The following MYO3B variants were observed in gnomAD, a reference collection of about 807,000 sequenced individuals.
MYO3B encodes the protein myosin-IIIb.
A neutral mutation model predicts 174.6 loss-of-function variants in MYO3B; 156 were observed. The observed-to-expected ratio is 0.89, with a 90% CI of 0.78 to 1.02. The LOEUF (loss-of-function observed/expected upper bound fraction) is 1.02. MYO3B is among the 50% of genes least tolerant of loss of function. MYO3B has a pLI of 0.00. For missense variants in MYO3B, 1,632 were observed against 1,639.4 expected, an observed-to-expected ratio of 1.00 and a Z score of 0.08; for synonymous variants, 563 against 569.1, an observed-to-expected ratio of 0.99 and a Z score of 0.15.
intron 30 of MYO3B, among the ~76,000 whole-genome samples, chr2:170,536,152 G>A (rs1453181668): frequency 6.6e-6 from 1 of 152,190 alleles, no homozygotes; most frequent in Non-Finnish European, 1.5e-5. Flanking sequence ...AAGACTGTAT[G>A]GGCTCACGGT....
chr2:170,272,858 AT>A (rs1230301718), intron 7 of MYO3B, among the ~76,000 whole-genome samples: 2 of 152,148 alleles, frequency 1.3e-5, no homozygotes, highest in Non-Finnish European at 2.9e-5. Context: ...GTACGTCTCA[AT>A]CTTGTACATC....
At chr2:170,468,816 A>G (rs1416653384) in intron 25 of MYO3B, among the ~76,000 whole-genome samples, 8 of 152,214 alleles carry the variant, frequency 5.3e-5, no homozygotes. Context: ...TACAGAGGGC[A>G]AACACATAAC....
chr2:170,266,090 A>T (rs2093381162), intron 7 of MYO3B, among the ~76,000 whole-genome samples: 1 of 152,124 alleles, frequency 6.6e-6, no homozygotes, highest in South Asian at 2.1e-4. Context: ...AATACTCAGG[A>T]TGGGTAATCA....
chr2:170,621,109 G>C (rs761892886), intron 32 of MYO3B, among the ~76,000 whole-genome samples: 2 of 151,946 alleles, frequency 1.3e-5, no homozygotes, highest in Non-Finnish European at 2.9e-5. Flanking sequence ...GGCTGGTCTC[G>C]AACTCCTGAC....
At chr2:170,376,343 CT>C (rs1558938478) in intron 9 of MYO3B, among the ~76,000 whole-genome samples, 1 of 152,152 alleles carries the variant, frequency 6.6e-6, no homozygotes, top group Non-Finnish European at 1.5e-5. Context: ...ATAAAAGTCC[CT>C]CTTTCATTGG....
intron 29 of MYO3B, among the ~76,000 whole-genome samples, chr2:170,517,377 A>T (rs1244220505): frequency 1.3e-5 from 2 of 152,168 alleles, no homozygotes; most frequent in African/African-American, 4.8e-5. Flanking sequence ...AGGTAAAGAT[A>T]TTGCTTCCTC....
intron 22 of MYO3B, among the ~76,000 whole-genome samples, chr2:170,439,245 G>A (rs908851617): frequency 2.6e-5 from 4 of 151,632 alleles, no homozygotes; most frequent in Middle Eastern, 3.4e-3. Flanking sequence ...GCTGGTGGGC[G>A]CCTGTAGTCC....
chr2:170,368,033 T>A (rs2094211560), intron 8 of MYO3B, among the ~76,000 whole-genome samples: 1 of 152,158 alleles, frequency 6.6e-6, no homozygotes, highest in Admixed American at 6.5e-5. Flanking sequence ...GACTAGAAGG[T>A]AAGGGATATG....
chr2:170,255,065 G>A (rs1363405959), intron 7 of MYO3B, among the ~76,000 whole-genome samples: 1 of 152,178 alleles, frequency 6.6e-6, no homozygotes, highest in Non-Finnish European at 1.5e-5. Context: ...TGGCACTACT[G>A]CTCTGCCTGG....
At chr2:170,416,837 T>C (rs1228297692) in intron 22 of MYO3B, among the ~76,000 whole-genome samples, 15 of 85,796 alleles carry the variant, frequency 1.7e-4, no homozygotes, top group Non-Finnish European at 3.3e-4. Flanking sequence ...TTTTTTTTTT[T>C]TTTTGAGACG....
At chr2:170,373,858 CA>C (rs2094267363) in intron 9 of MYO3B, among the ~76,000 whole-genome samples, 1 of 151,010 alleles carries the variant, frequency 6.6e-6, no homozygotes. Flanking sequence ...AGCAAGGTTT[CA>C]GAGTTGGGAG....
At chr2:170,445,837 T>G (rs1424202932) in intron 23 of MYO3B, among the ~76,000 whole-genome samples, 1 of 152,304 alleles carries the variant, frequency 6.6e-6, no homozygotes, top group East Asian at 1.9e-4. Flanking sequence ...GAGGTCTTGC[T>G]ATGTTGTTCA....
rs369813659 is a variant in MYO3B at position 170,629,933 on chromosome 2, T to C, written c.3734-21695T>C. ...TCAGCTATAATATTAATGATCTGAT[T>C]TCCATTCCAAGACGGCCAAATAGGA... On this transcript the variant is annotated intron_variant, in intron 32 of 34. Transcript: ENST00000408978. 6.7e-5 allele frequency among the ~76,000 whole-genome samples: 10 copies of C among 149,950 alleles called. No individual in the cohort carries two copies. In the East Asian group the frequency reaches 2.0e-3, roughly 29 times the overall value.
chr2:170,479,896 T>C (rs945631192), intron 25 of MYO3B, among the ~76,000 whole-genome samples: 91 of 148,634 alleles, frequency 6.1e-4, no homozygotes, highest in Non-Finnish European at 1.1e-3. Context: ...TATTTATAGG[T>C]TTAACATATT....
intron 3 of MYO3B, among the ~76,000 whole-genome samples, chr2:170,211,102 G>T (rs1399747808): frequency 6.6e-6 from 1 of 152,104 alleles, no homozygotes; most frequent in Admixed American, 6.5e-5. Context: ...AATTCCTGGG[G>T]TTCCATGAGA....
At chr2:170,447,816 G>A (rs1683319806) in intron 23 of MYO3B, among the ~76,000 whole-genome samples, 1 of 152,208 alleles carries the variant, frequency 6.6e-6, no homozygotes, top group Admixed American at 6.5e-5. Flanking sequence ...ACTTTGGTAG[G>A]TAGGGGGCAA....
chr2:170,536,426 G>A (rs553432695), intron 30 of MYO3B, among the ~76,000 whole-genome samples: 14 of 152,338 alleles, frequency 9.2e-5, no homozygotes, highest in Non-Finnish European at 1.8e-4. Context: ...GTAATGATTA[G>A]GGTGGGATGC....
intron 16 of MYO3B, among the ~76,000 whole-genome samples, chr2:170,398,729 C>T (rs1029492261): frequency 6.6e-6 from 1 of 152,126 alleles, no homozygotes; most frequent in Non-Finnish European, 1.5e-5. Context: ...GAGCAAAGAA[C>T]AAATATAATA....
chr2:170,638,661 C>G (rs1345175020), intron 32 of MYO3B, among the ~76,000 whole-genome samples: 2 of 152,124 alleles, frequency 1.3e-5, no homozygotes, highest in African/African-American at 2.4e-5. Flanking sequence ...GCAACAGATC[C>G]CCATCAGGCA....
Sources: allele counts gnomAD v4.1 joint callset (sites outside exome capture counted in the v4.1 genomes callset), GRCh38; gene constraint gnomAD v4.1.1; transcripts MANE v1.5; gene names NCBI Gene and HGNC (gene_info 2026-07-23, HGNC 2026-07-21).